The following SEC14L5 variants were observed in gnomAD, a reference collection of about 807,000 sequenced individuals.
SEC14L5 encodes SEC14 like lipid binding 5, also known as SEC14-like protein 5.
A neutral mutation model predicts 84.6 loss-of-function variants in SEC14L5; 96 were observed. The ratio of observed to expected loss-of-function variants is 1.13; its 90% confidence interval spans 0.96 to 1.34. The LOEUF (loss-of-function observed/expected upper bound fraction) is 1.34. Among genes scored for constraint, SEC14L5 ranks in the 40% most tolerant of loss-of-function variants. SEC14L5 has a pLI of 0.00. For missense variants in SEC14L5, 1,224 were observed against 942.5 expected (o/e 1.30, Z -3.91); for synonymous variants, 546 against 383.4 (o/e 1.42, Z -4.95).
intron 15 of SEC14L5, among the ~76,000 whole-genome samples, chr16:5,012,987 A>G (rs1955823522): frequency 6.6e-6 from 1 of 152,070 alleles, no homozygotes. Flanking sequence ...TGACTGGGGA[A>G]GCCTCAGGAA....
chr16:4,983,514 A>C (rs774673679), intron 2 of SEC14L5, among the ~76,000 whole-genome samples: 1 of 149,968 alleles, frequency 6.7e-6, no homozygotes, highest in Non-Finnish European at 1.5e-5. Flanking sequence ...ATATATGCAC[A>C]CTATATAAAT....
chr16:5,007,907 CT>C (rs1191230078), intron 13 of SEC14L5, among the ~76,000 whole-genome samples: 1,228 of 110,078 alleles, frequency 0.011, 24 homozygotes, highest in African/African-American at 0.038. Context: ...CGCCTGGCCT[CT>C]TTTTTTTTTT....
At chr16:4,982,208 G>C (rs935002376) in intron 2 of SEC14L5, among the ~76,000 whole-genome samples, 2 of 151,142 alleles carry the variant, frequency 1.3e-5, no homozygotes, top group Admixed American at 1.3e-4. Context: ...TTCTTCCTCG[G>C]CCCCCCCCTC....
intron 15 of SEC14L5, among the ~76,000 whole-genome samples, 160 bp from the exon 16 acceptor site, chr16:5,014,699 T>C (rs1300171105): frequency 6.6e-6 from 1 of 152,166 alleles, no homozygotes; most frequent in Non-Finnish European, 1.5e-5. Context: ...GGGAATTCGG[T>C]AGTGCTTTTC....
chr16:4,961,283 A>G (rs1955117894), intron 2 of SEC14L5, among the ~76,000 whole-genome samples: 1 of 147,436 alleles, frequency 6.8e-6, no homozygotes, highest in Non-Finnish European at 1.5e-5. Flanking sequence ...AACAACAACA[A>G]CAGCAACAAC....
rs2142535013 is a variant in SEC14L5, at chr16:5,011,117, C to G, written c.1823C>G (p.Pro608Arg). ...SIQGSHVTRW[P>R]GVYLLQWQMH... Reference sequence around the variant, plus strand: ...CAGGGCTCCCATGTGACCCGGTGGCCCGGCGTCTACCTGCTCCAGTGGCAA... The same window carrying G: ...CAGGGCTCCCATGTGACCCGGTGGCGCGGCGTCTACCTGCTCCAGTGGCAA... The change falls in exon 15 of 16, where the codon CCC becomes CGC. Residue 608 changes from proline (P) to arginine (R), a missense_variant. Transcript: ENST00000251170. 1.2e-6 allele frequency: 2 copies of G among 1,606,528 alleles called. No individual in the cohort carries two copies. Among genetic ancestry groups the G allele is most frequent in the Non-Finnish European group, 1.7e-6 (2 of 1,176,734 alleles).
intron 10 of SEC14L5, among the ~76,000 whole-genome samples, chr16:5,002,298 A>ATTTTT (rs71402579): frequency 9.0e-5 from 12 of 133,742 alleles, no homozygotes; most frequent in South Asian, 4.8e-4. Context: ...CTGTTTGCAG[A>ATTTTT]TTTTTTTTTT....
At chr16:4,982,210 C>G (rs879568741) in intron 2 of SEC14L5, among the ~76,000 whole-genome samples, 1 of 151,884 alleles carries the variant, frequency 6.6e-6, no homozygotes, top group Non-Finnish European at 1.5e-5. Context: ...CTTCCTCGGC[C>G]CCCCCCTCCC....
chr16:4,979,384 C>G (rs1955391746), intron 2 of SEC14L5, among the ~76,000 whole-genome samples: 1 of 152,194 alleles, frequency 6.6e-6, no homozygotes, highest in Admixed American at 6.5e-5. Flanking sequence ...GTGACTTAAA[C>G]TCTCTGAGTT....
At position 4,996,910 on chromosome 16, in the gene SEC14L5, A is replaced by T; in HGVS notation, c.836A>T (p.Asp279Val). ...CTGCGGGCTCATGACTTCCACCTGGACAAGGCCCGGGAAATGCTGCGCCAG... is the reference window on the plus strand; with the variant it reads ...CTGCGGGCTCATGACTTCCACCTGGTCAAGGCCCGGGAAATGCTGCGCCAG... ...RFLRAHDFHL[D>V]KAREMLRQSL... The change falls in exon 8 of 16, where the codon GAC becomes GTC. Residue 279 changes from aspartate to valine, a missense_variant. By Grantham distance (152) the Asp-to-Val change is radical. Transcript: ENST00000251170. The T allele has an allele frequency of 6.2e-7, 1 of 1,613,748 alleles. No homozygotes were observed. Among genetic ancestry groups the T allele is most frequent in the Non-Finnish European group, 8.5e-7 (1 of 1,179,800 alleles).
intron 8 of SEC14L5, among the ~76,000 whole-genome samples, chr16:4,999,492 T>A (rs1468620889): frequency 6.6e-6 from 1 of 152,020 alleles, no homozygotes; most frequent in Non-Finnish European, 1.5e-5. Flanking sequence ...TGGTGCTGCA[T>A]GCCTGTGGTC....
chr16:4,999,447 A>T (rs575507619), intron 8 of SEC14L5, among the ~76,000 whole-genome samples: 324 of 152,108 alleles, frequency 2.1e-3, no homozygotes, highest in African/African-American at 7.4e-3. Flanking sequence ...CCTCCACCAC[A>T]TCTCCACAAA....
At chr16:4,997,740 C>G (rs559711762) in intron 8 of SEC14L5, among the ~76,000 whole-genome samples, 1 of 152,122 alleles carries the variant, frequency 6.6e-6, no homozygotes, top group Admixed American at 6.6e-5. Flanking sequence ...TCACCAGGGC[C>G]GTGCTCCCTC....
At chr16:5,005,891 C>G (rs745342917) in intron 11 of SEC14L5, 23 bp from the exon 12 acceptor site, 8 of 1,324,508 alleles carry the variant, frequency 6.0e-6, no homozygotes, top group East Asian at 5.2e-5. Context: ...AACCATCCAT[C>G]TTGCCTTATG....
At chr16:4,983,741 G>C (rs909893705) in intron 2 of SEC14L5, among the ~76,000 whole-genome samples, 1 of 151,858 alleles carries the variant, frequency 6.6e-6, no homozygotes, top group Non-Finnish European at 1.5e-5. Flanking sequence ...GCAGGGTGTA[G>C]TGGCGTGTGC....
chr16:4,960,205 G>C (rs1241343023), intron 2 of SEC14L5, among the ~76,000 whole-genome samples: 1 of 152,190 alleles, frequency 6.6e-6, no homozygotes, highest in African/African-American at 2.4e-5. Context: ...TCACTTCCCT[G>C]CTCAGTAACA....
rs1475674531 is a variant in SEC14L5 at position 5,008,465 on chromosome 16, C to A, written c.1617C>A (p.Asp539Glu). 1 of 1,613,624 alleles carries A rather than the reference C, an allele frequency of 6.2e-7. No homozygotes were observed. Among genetic ancestry groups the A allele is most frequent in the Admixed American group, 1.7e-5 (1 of 59,994 alleles). ...ILEGESVITW[D>E]FDILRGDVVF... ...AAGGAGAGTCGGTCATCACCTGGGA[C>A]TTTGACATCCTGCGAGGGGACGTGG... The change falls in exon 14 of 16, where the codon GAC becomes GAA. Residue 539 changes from aspartate (D) to glutamate (E), a missense_variant. Physicochemically the swap from Asp to Glu is conservative, Grantham distance 45. Transcript: ENST00000251170.
chr16:4,977,618 G>A (rs941194713), intron 2 of SEC14L5, among the ~76,000 whole-genome samples: 1 of 151,930 alleles, frequency 6.6e-6, no homozygotes. Context: ...GAAAGTGGAT[G>A]CATTTTAATG....
At chr16:4,965,319 A>G (rs1026245661) in intron 2 of SEC14L5, among the ~76,000 whole-genome samples, 1 of 152,166 alleles carries the variant, frequency 6.6e-6, no homozygotes, top group Admixed American at 6.6e-5. Context: ...TAGTGCTGCT[A>G]TAAATATTTA....
Sources: gnomAD v4.1 joint callset for allele counts (sites outside exome capture counted in the v4.1 genomes callset) on GRCh38, gnomAD v4.1.1 for gene constraint, MANE v1.5 for transcripts, NCBI Gene and HGNC (gene_info 2026-07-23, HGNC 2026-07-21) for gene names.